The following ATP9B variants were observed in gnomAD, a reference collection of about 807,000 sequenced individuals.
The protein encoded by ATP9B is probable phospholipid-transporting ATPase IIB.
In ATP9B, 110 loss-of-function variants were observed where a neutral mutation model predicts 146.1. That is an observed-to-expected ratio of 0.75 (90% CI 0.65 to 0.88). The LOEUF is 0.88. Among genes scored for constraint, ATP9B ranks in the 40% least tolerant of loss-of-function variants. ATP9B has a pLI of 0.00. For synonymous variants in ATP9B, 604 were observed against 569.7 expected, an observed-to-expected ratio of 1.06 and a Z score of -0.86; for missense variants, 1,499 against 1,496.4, an observed-to-expected ratio of 1.00 and a Z score of -0.03.
At position 79,110,482 on chromosome 18, in the gene ATP9B, A is replaced by C; in HGVS notation, c.421A>C (p.Asn141His). The change falls in exon 3 of 30, where the codon AAT becomes CAT. Residue 141 changes from asparagine (N) to histidine (H), a missense_variant. Asn to His is a moderately conservative substitution (Grantham distance 68). Coordinates refer to ENST00000426216, the MANE Select transcript of ATP9B (RefSeq NM_198531.5). ...GAATTCTATAAAAAATCAAAAATAC[A>C]ATGTGTTTACCTTTATACCTGGGGT... ...PRNSIKNQKY[N>H]VFTFIPGVLY... 1.9e-6 allele frequency: 3 copies of C among 1,613,210 alleles called. No individual in the cohort carries two copies. The highest frequency in any genetic ancestry group is 2.5e-6 in the Non-Finnish European group (3 of 1,179,530).
intron 2 of ATP9B, among the ~76,000 whole-genome samples, chr18:79,108,093 T>C (rs1419711352): frequency 6.6e-6 from 1 of 151,102 alleles, no homozygotes. Flanking sequence ...GTGGGAGGAG[T>C]TGGGGAAGGA....
intron 12 of ATP9B, among the ~76,000 whole-genome samples, chr18:79,273,139 C>A (rs531797516): frequency 1.3e-5 from 2 of 152,232 alleles, no homozygotes; most frequent in South Asian, 4.2e-4. Context: ...TTTGTTTGGC[C>A]CATAAGGGGA....
At chr18:79,111,609 A>G (rs780063317) in intron 3 of ATP9B, among the ~76,000 whole-genome samples, 13 of 152,222 alleles carry the variant, frequency 8.5e-5, no homozygotes, top group Non-Finnish European at 1.9e-4. Context: ...AAATACTCAC[A>G]GATCTCAGAG....
intron 8 of ATP9B, among the ~76,000 whole-genome samples, chr18:79,185,532 T>C (rs1445707880): frequency 2.0e-5 from 3 of 152,220 alleles, no homozygotes; most frequent in Admixed American, 2.0e-4. Context: ...TAATTTTTGC[T>C]GTTACCACAC....
chr18:79,377,859 A>G lies in ATP9B; in HGVS notation c.*476A>G. 1 of 161,538 alleles carries G rather than the reference A, an allele frequency of 6.2e-6. No individual in the cohort carries two copies. Among genetic ancestry groups the G allele is most frequent in the Non-Finnish European group, 1.4e-5 (1 of 73,250 alleles). 10.0% of individuals were successfully genotyped at this position (161,538 alleles called of 1,614,324 possible). A position where few individuals can be genotyped will look rare whatever the true frequency, so the allele number is the denominator to read the frequency against. The stretch of plus-strand genomic sequence containing the variant: ...CCTGCCAGGCAAGCCCAGGGCACAG[A>G]TGCTGCGATGGCCTCTTCCTCTTAA... On this transcript the variant is annotated 3_prime_UTR_variant, in exon 30 of 30. Coordinates refer to ENST00000426216, the MANE Select transcript of ATP9B (RefSeq NM_198531.5).
intron 13 of ATP9B, among the ~76,000 whole-genome samples, chr18:79,287,298 C>T (rs1324917884): frequency 6.6e-6 from 1 of 152,158 alleles, no homozygotes; most frequent in African/African-American, 2.4e-5. Flanking sequence ...ATTTCAGAGC[C>T]TGTTATTGGT....
intron 3 of ATP9B, among the ~76,000 whole-genome samples, chr18:79,112,027 T>A (rs1418346075): frequency 2.6e-5 from 4 of 151,506 alleles, no homozygotes; most frequent in African/African-American, 9.7e-5. Context: ...ATGAAATAAT[T>A]CAAAACATTC....
chr18:79,077,902 A>G (rs1370538788), intron 1 of ATP9B: 2 of 152,172 alleles, frequency 1.3e-5, no homozygotes, highest in Non-Finnish European at 2.9e-5. Context: ...GTATCTTTCT[A>G]TTTCATAGAT....
chr18:79,229,472 A>G (rs551259759), intron 11 of ATP9B, among the ~76,000 whole-genome samples: 21 of 152,378 alleles, frequency 1.4e-4, no homozygotes, highest in African/African-American at 5.0e-4. Flanking sequence ...TATAGAGAGC[A>G]GAATTTTCAT....
chr18:79,276,579 C>T lies in ATP9B; in HGVS notation c.1269-475C>T, dbSNP rs374492294. Reference sequence around the variant, plus strand: ...GGACCCCGCCTGCTCCATGTGTGTGCCCTGTCCTGTAAGCCTTTGGTAGTT... The same window carrying T: ...GGACCCCGCCTGCTCCATGTGTGTGTCCTGTCCTGTAAGCCTTTGGTAGTT... On this transcript the variant is annotated intron_variant, in intron 12 of 29. Coordinates refer to ENST00000426216, the MANE Select transcript of ATP9B (RefSeq NM_198531.5). 2.4e-3 allele frequency among the ~76,000 whole-genome samples: 365 copies of T among 152,326 alleles called. 1 individual carries two copies. The highest frequency in any genetic ancestry group is 6.4e-3 in the South Asian group (31 of 4,824).
At chr18:79,190,646 C>T (rs1301251764) in intron 8 of ATP9B, among the ~76,000 whole-genome samples, 1 of 152,012 alleles carries the variant, frequency 6.6e-6, no homozygotes, top group African/African-American at 2.4e-5. Flanking sequence ...CGGGTTCAAC[C>T]AGTTTTCTCC....
At chr18:79,375,913 A>C in intron 29 of ATP9B, 1 of 985,382 alleles carries the variant, frequency 1.0e-6, no homozygotes, top group South Asian at 4.7e-5. Flanking sequence ...GTAGATTCGA[A>C]GTATGTAAAT....
chr18:79,126,217 C>A, intron 4 of ATP9B, 50 bp from the exon 5 acceptor site: 2 of 1,444,012 alleles, frequency 1.4e-6, no homozygotes, highest in South Asian at 1.3e-5. Flanking sequence ...ATAATTTTGT[C>A]TTTTTTGTTA....
Position 79,344,301 on chromosome 18 carries a change from G to C in ATP9B, c.2419G>C (p.Ala807Pro). 1.2e-6 allele frequency: 2 copies of C among 1,614,234 alleles called. No homozygotes were observed. The highest frequency in any genetic ancestry group is 1.7e-6 in the Non-Finnish European group (2 of 1,180,040). Reference sequence around the variant, plus strand: ...GGGAGAGGCACATTTGGAGCTGAATGCATTTCGAAGGAAGCATGATTGTGC... The same window carrying C: ...GGGAGAGGCACATTTGGAGCTGAATCCATTTCGAAGGAAGCATGATTGTGC... ...SRGEAHLELN[A>P]FRRKHDCALV... The change falls in exon 21 of 30, where the codon GCA becomes CCA. Residue 807 changes from alanine to proline, a missense_variant. Ala to Pro is a conservative substitution (Grantham distance 27, BLOSUM62 -1). Transcript: ENST00000426216.
At chr18:79,139,564 G>T (rs2094489472) in intron 5 of ATP9B, among the ~76,000 whole-genome samples, 1 of 152,062 alleles carries the variant, frequency 6.6e-6, no homozygotes, top group Non-Finnish European at 1.5e-5. Context: ...TACATAGTAG[G>T]TATATATATT....
At chr18:79,221,048 A>G (rs1226171834) in intron 11 of ATP9B, among the ~76,000 whole-genome samples, 3 of 152,218 alleles carry the variant, frequency 2.0e-5, no homozygotes, top group Non-Finnish European at 2.9e-5. Context: ...TCCCTGCTAC[A>G]TAGAATGGTT....
intron 12 of ATP9B, among the ~76,000 whole-genome samples, chr18:79,259,229 A>G (rs2096115591): frequency 6.6e-6 from 1 of 152,214 alleles, no homozygotes; most frequent in South Asian, 2.1e-4. Context: ...TATGTTCCCT[A>G]AATCCTGTGC....
At chr18:79,307,827 G>A (rs1348372006) in intron 15 of ATP9B, among the ~76,000 whole-genome samples, 1 of 152,098 alleles carries the variant, frequency 6.6e-6, no homozygotes, top group Non-Finnish European at 1.5e-5. Context: ...TAATGTCTTA[G>A]TATATTTTAT....
chr18:79,364,866 A>G (rs1463004980), intron 26 of ATP9B, among the ~76,000 whole-genome samples: 1 of 152,102 alleles, frequency 6.6e-6, no homozygotes, highest in Non-Finnish European at 1.5e-5. Context: ...TCTACAAAAC[A>G]TAGAAAAAAA....
Sources: gnomAD v4.1 joint callset for allele counts (sites outside exome capture counted in the v4.1 genomes callset) on GRCh38, gnomAD v4.1.1 for gene constraint, MANE v1.5 for transcripts, NCBI Gene and HGNC (gene_info 2026-07-23, HGNC 2026-07-21) for gene names.